Variants in IPO11 observed in about 807,000 individuals in gnomAD.
IPO11 encodes the protein importin-11.
Under a neutral mutation model 143.2 loss-of-function variants are expected in IPO11, and 66 were observed. That is an observed-to-expected ratio of 0.46 (90% CI 0.38 to 0.57). The LOEUF (loss-of-function observed/expected upper bound fraction) is 0.57. IPO11 is among the 20% of genes least tolerant of loss of function. The pLI is 0.00. For synonymous variants in IPO11, 385 were observed against 377.8 expected (o/e 1.02, Z -0.22); for missense variants, 1,026 against 1,141.0 (o/e 0.90, Z 1.45).
chr5:62,582,518 A>G (rs971285040), intron 27 of IPO11, among the ~76,000 whole-genome samples: 1 of 152,214 alleles, frequency 6.6e-6, no homozygotes, highest in Non-Finnish European at 1.5e-5. Flanking sequence ...TATATCATGC[A>G]GAAATTCAGA....
intron 7 of IPO11, among the ~76,000 whole-genome samples, chr5:62,472,671 G>T (rs957709314): frequency 2.0e-5 from 3 of 151,954 alleles, no homozygotes; most frequent in African/African-American, 7.3e-5. Context: ...GGGGTTACAG[G>T]TGCCTGCCAC....
At position 62,610,786 on chromosome 5, in the gene IPO11, C is replaced by T. The variant is rs1005625681; in HGVS notation, c.2763+8938C>T. On this transcript the variant is annotated intron_variant, in intron 29 of 29. Coordinates refer to ENST00000325324, the MANE Select transcript of IPO11 (RefSeq NM_016338.5). Reference sequence around the variant, plus strand: ...TCTTTTTTTTTCTTCTGTATTCATTCCACATACATTTTTTAATGCTTACCA... The same window carrying T: ...TCTTTTTTTTTCTTCTGTATTCATTTCACATACATTTTTTAATGCTTACCA... Among the ~76,000 whole-genome samples, 5 of 151,972 alleles carry T rather than the reference C, an allele frequency of 3.3e-5. 1 individual carries two copies. Among genetic ancestry groups the T allele is most frequent in the African/African-American group, 1.2e-4 (5 of 41,364 alleles).
chr5:62,494,146 A>G, intron 16 of IPO11, 22 bp downstream of exon 16: 2 of 1,589,344 alleles, frequency 1.3e-6, no homozygotes, highest in South Asian at 1.2e-5. Context: ...AAGTGCCTTA[A>G]AAGAGTTAGT....
At chr5:62,436,190 A>G (rs1221317462) in intron 1 of IPO11, among the ~76,000 whole-genome samples, 1 of 152,196 alleles carries the variant, frequency 6.6e-6, no homozygotes, top group Admixed American at 6.5e-5. Flanking sequence ...TTTTCCCTAA[A>G]AGGTAATCTA....
At chr5:62,518,888 G>A (rs1742117269) in intron 20 of IPO11, among the ~76,000 whole-genome samples, 1 of 152,202 alleles carries the variant, frequency 6.6e-6, no homozygotes, top group Non-Finnish European at 1.5e-5. Flanking sequence ...CAGGGTAATA[G>A]GCACTGGGCT....
chr5:62,481,370 C>T (rs910285534), intron 9 of IPO11, among the ~76,000 whole-genome samples: 2 of 152,218 alleles, frequency 1.3e-5, no homozygotes, highest in South Asian at 4.1e-4. Flanking sequence ...AGTTTTTGCC[C>T]ATTCAGTATG....
intron 26 of IPO11, among the ~76,000 whole-genome samples, chr5:62,556,181 C>A (rs1743569645): frequency 6.6e-6 from 1 of 152,010 alleles, no homozygotes; most frequent in Admixed American, 6.6e-5. Flanking sequence ...TAACTTTTGA[C>A]AGGCATGTTG....
intron 6 of IPO11, 112 bp downstream of exon 6, chr5:62,467,375 T>TC: frequency 3.6e-6 from 4 of 1,124,360 alleles, no homozygotes; most frequent in South Asian, 1.6e-5. Flanking sequence ...AAATAAGAGG[T>TC]TTATTTCTCC....
intron 1 of IPO11, among the ~76,000 whole-genome samples, chr5:62,427,028 C>T (rs255220): frequency 0.31 from 45,194 of 146,992 alleles, 7,266 homozygotes; most frequent in East Asian, 0.46. Flanking sequence ...ATTTCTGCCT[C>T]CTGGTTTCAA....
At chr5:62,529,148 AT>A (rs1467612292) in intron 21 of IPO11, among the ~76,000 whole-genome samples, 1 of 152,074 alleles carries the variant, frequency 6.6e-6, no homozygotes, top group African/African-American at 2.4e-5. Context: ...CCTTTCTTCT[AT>A]CTTAATATAA....
intron 27 of IPO11, chr5:62,581,525 G>A: frequency 4.5e-6 from 2 of 443,146 alleles, no homozygotes; most frequent in East Asian, 3.9e-5. Context: ...ACATTTCTGT[G>A]TATCAAGCAC....
At chr5:62,526,068 A>G (rs1742360653) in intron 20 of IPO11, 74 bp from the exon 21 acceptor site, 4 of 882,478 alleles carry the variant, frequency 4.5e-6, no homozygotes, top group Non-Finnish European at 5.5e-6. Context: ...GGCTTTTTGT[A>G]TGATAGGTAA....
chr5:62,605,980 G>C (rs962533164), intron 29 of IPO11, among the ~76,000 whole-genome samples: 6 of 151,894 alleles, frequency 4.0e-5, no homozygotes, highest in African/African-American at 1.2e-4. Context: ...ATCCTCCCTT[G>C]TCAGCCTTCC....
chr5:62,596,274 A>AAAAAAAAAAAAAAAAAAAAAG (rs1554057521), intron 28 of IPO11, among the ~76,000 whole-genome samples: 2 of 150,786 alleles, frequency 1.3e-5, no homozygotes, highest in African/African-American at 4.9e-5. Context: ...GTCTCAAAAA[A>AAAAAAAAAAAAAAAAAAAAAG]AAAAAAAAAG....
chr5:62,425,844 A>G (rs991212311), intron 1 of IPO11, among the ~76,000 whole-genome samples: 3 of 152,236 alleles, frequency 2.0e-5, no homozygotes, highest in African/African-American at 7.2e-5. Context: ...TAAATAATAC[A>G]TTAGACTGTT....
At chr5:62,437,452 A>G (rs374681842) in intron 2 of IPO11, 35 bp downstream of exon 2, 3 of 1,563,970 alleles carry the variant, frequency 1.9e-6, no homozygotes, top group Non-Finnish European at 2.6e-6. Context: ...TTTTCTTTTT[A>G]ATAAAATGAG....
At chr5:62,604,950 T>TA (rs1363601145) in intron 29 of IPO11, among the ~76,000 whole-genome samples, 1 of 152,252 alleles carries the variant, frequency 6.6e-6, no homozygotes, top group Non-Finnish European at 1.5e-5. Context: ...TTTCAGTAAT[T>TA]ACGTCAATCT....
intron 1 of IPO11, among the ~76,000 whole-genome samples, chr5:62,415,233 T>C (rs985317621): frequency 6.6e-6 from 1 of 150,504 alleles, no homozygotes; most frequent in African/African-American, 2.4e-5. Flanking sequence ...GCGTGATCTC[T>C]GCTCACTGCA....
At chr5:62,599,303 C>CT (rs1745411742) in intron 28 of IPO11, among the ~76,000 whole-genome samples, 1 of 152,166 alleles carries the variant, frequency 6.6e-6, no homozygotes. Context: ...TGGAACTAAG[C>CT]TTTTTTTAGA....
Sources: gnomAD v4.1 joint callset for allele counts (sites outside exome capture counted in the v4.1 genomes callset) on GRCh38, gnomAD v4.1.1 for gene constraint, MANE v1.5 for transcripts, NCBI Gene and HGNC (gene_info 2026-07-23, HGNC 2026-07-21) for gene names.